Variants in CLEC19A observed in about 807,000 individuals in gnomAD.
CLEC19A encodes C-type lectin domain family 19 member A.
A neutral mutation model predicts 26.1 loss-of-function variants in CLEC19A; 21 were observed. That is an observed-to-expected ratio of 0.80 (90% CI 0.57 to 1.16). The LOEUF is 1.16. Ranked by LOEUF, CLEC19A falls within the 50% of genes most tolerant of loss-of-function variation. CLEC19A has a pLI of 0.00. For synonymous variants in CLEC19A, 89 were observed against 88.6 expected (o/e 1.00, Z -0.03); for missense variants, 224 against 227.6 (o/e 0.98, Z 0.10).
intron 1 of CLEC19A, among the ~76,000 whole-genome samples, chr16:19,295,468 G>A (rs375159306): frequency 1.6e-3 from 239 of 152,228 alleles, no homozygotes; most frequent in African/African-American, 5.2e-3. Context: ...CTCCCAAGGT[G>A]TTGGTATTAC....
At chr16:19,292,276 C>T (rs570366079) in intron 1 of CLEC19A, among the ~76,000 whole-genome samples, 7 of 152,216 alleles carry the variant, frequency 4.6e-5, no homozygotes, top group African/African-American at 1.7e-4. Flanking sequence ...ATGCAGACTC[C>T]GATTTGGAAG....
chr16:19,306,435 C>G (rs940263072), intron 3 of CLEC19A, among the ~76,000 whole-genome samples: 2 of 152,094 alleles, frequency 1.3e-5, no homozygotes, highest in East Asian at 3.8e-4. Flanking sequence ...GCATGAGCCA[C>G]CATGCCTGGT....
At chr16:19,308,735 T>C (rs1277112306) in intron 4 of CLEC19A, among the ~76,000 whole-genome samples, 1 of 152,160 alleles carries the variant, frequency 6.6e-6, no homozygotes. Flanking sequence ...AACAGCTTAT[T>C]TTCCTGGGAG....
rs140590325 is a variant in CLEC19A, at chr16:19,310,088, C to T, written c.*1005C>T. On this transcript the variant is annotated 3_prime_UTR_variant, in exon 5 of 5. Coordinates refer to ENST00000636231, the MANE Select transcript of CLEC19A (RefSeq NM_001256720.2). Reference sequence around the variant, plus strand: ...GCCACTGTGGAAAAGTTTGGCAGTTCCTCAAAAAGTTAAACATAGAATTAC... The same window carrying T: ...GCCACTGTGGAAAAGTTTGGCAGTTTCTCAAAAAGTTAAACATAGAATTAC... 95 of 152,276 alleles carry T rather than the reference C, an allele frequency of 6.2e-4. No homozygotes were observed. Among genetic ancestry groups the T allele is most frequent in the African/African-American group, 2.0e-3 (83 of 41,530 alleles). The allele number at this position is 152,276 out of a possible 1,614,324, so 9.4% of individuals were successfully genotyped here. A position where few individuals can be genotyped will look rare whatever the true frequency, so the allele number is the denominator to read the frequency against.
In CLEC19A at chr16:19,307,048, A is replaced by G. The variant is rs565624154; in HGVS notation, c.349-497A>G. Among the ~76,000 whole-genome samples the G allele has an allele frequency of 5.3e-5, 8 of 152,334 alleles. No individual in the cohort carries two copies. The South Asian group carries it at 1.7e-3, about 32-fold the overall frequency. ...CCAACAGGACTTTCCTTGCAATTGG[A>G]CAGAGTAGTTCCACCTTAGGCAAGA... On this transcript the variant is annotated intron_variant, in intron 3 of 4. Transcript: ENST00000636231.
At chr16:19,298,597 A>C in intron 1 of CLEC19A, 76 bp from the exon 2 acceptor site, 1 of 1,416,496 alleles carries the variant, frequency 7.1e-7, no homozygotes, top group South Asian at 1.3e-5. Flanking sequence ...TAAAGAAAAG[A>C]AAATAGGTTC....
At chr16:19,307,733 G>C (rs1031588680) in intron 4 of CLEC19A, 56 bp downstream of exon 4, 11 of 1,540,814 alleles carry the variant, frequency 7.1e-6, no homozygotes, top group South Asian at 4.8e-5. Context: ...TGTCACAGGT[G>C]GGGAGAGCGG....
chr16:19,294,408 A>G lies in CLEC19A; in HGVS notation c.89-4265A>G, dbSNP rs144640598. On this transcript the variant is annotated intron_variant, in intron 1 of 4. Transcript: ENST00000636231. The stretch of plus-strand genomic sequence containing the variant: ...CCCTAAGTAGGGCATCAGCCTTCGT[A>G]ATGCTTGGACTGGGGTTTTAACACC... 1.6e-4 allele frequency among the ~76,000 whole-genome samples: 25 copies of G among 152,316 alleles called. No homozygotes were observed. The East Asian group carries it at 4.8e-3, about 29-fold the overall frequency.
chr16:19,287,479 G>A (rs179197), intron 1 of CLEC19A, among the ~76,000 whole-genome samples: 89,659 of 152,036 alleles, frequency 0.59, 27,372 homozygotes, highest in East Asian at 0.88. Flanking sequence ...GAGAGACACA[G>A]ACATTCCATT....
chr16:19,301,284 G>C (rs911870292), intron 2 of CLEC19A, among the ~76,000 whole-genome samples: 1 of 152,200 alleles, frequency 6.6e-6, no homozygotes, highest in Non-Finnish European at 1.5e-5. Flanking sequence ...GCTACAAGCT[G>C]TCAAGGATTG....
At chr16:19,306,231 G>C (rs1359145906) in intron 3 of CLEC19A, among the ~76,000 whole-genome samples, 1 of 150,168 alleles carries the variant, frequency 6.7e-6, no homozygotes, top group East Asian at 2.0e-4. Flanking sequence ...CCGCAACCTT[G>C]AACTCCTGGG....
In CLEC19A at chr16:19,298,838, G is replaced by A; in HGVS notation, c.254G>A (p.Ser85Asn). The A allele has an allele frequency of 1.3e-6, 2 of 1,549,964 alleles. No homozygotes were observed. Among genetic ancestry groups the A allele is most frequent in the Non-Finnish European group, 1.7e-6 (2 of 1,146,648 alleles). The change falls in exon 2 of 5, where the codon AGC becomes AAC. Residue 85 changes from serine to asparagine, a missense_variant and splice_region_variant. Coordinates refer to ENST00000636231, the MANE Select transcript of CLEC19A (RefSeq NM_001256720.2). ...TCCGCCAAGCTGGCCTCCATCCACA[G>A]GTAAGTGGGATCCCCAGTGCCCCAT... ...RKSAKLASIH[S>N]WEENVFVYDL...
chr16:19,298,847 G>T lies in CLEC19A; in HGVS notation c.254+9G>T, dbSNP rs926618094. The T allele has an allele frequency of 6.6e-5, 102 of 1,548,720 alleles. No individual in the cohort carries two copies. Among genetic ancestry groups the T allele is most frequent in the Non-Finnish European group, 8.7e-5 (100 of 1,145,994 alleles). ...CTGGCCTCCATCCACAGGTAAGTGG[G>T]ATCCCCAGTGCCCCATAGTTCAACT... On this transcript the variant is annotated intron_variant, in intron 2 of 4. Transcript: ENST00000636231.
rs750529291 is a variant in CLEC19A at position 19,301,735 on chromosome 16, G to GTTTTTTTTTTTTTT, written c.255-2327_255-2326insTTTTTTTTTTTTTT. Among the ~76,000 whole-genome samples the GTTTTTTTTTTTTTT allele has an allele frequency of 3.7e-3, 129 of 35,080 alleles. 6 individuals are homozygous for GTTTTTTTTTTTTTT. The highest frequency in any genetic ancestry group is 0.02 in the Middle Eastern group (1 of 50). The allele number at this position is 35,080 out of a possible 152,430, so 23.0% of individuals were successfully genotyped here. A position where few individuals can be genotyped will look rare whatever the true frequency, so the allele number is the denominator to read the frequency against. Reference sequence around the variant, plus strand: ...CATGACACCATGCCCAGGTTTTTTTGGTTTTTTTTTTTTTTTTTTTTTTTT... The same window carrying GTTTTTTTTTTTTTT: ...CATGACACCATGCCCAGGTTTTTTTGTTTTTTTTTTTTTTGTTTTTTTTTTTTTTTTTTTTTTTT... On this transcript the variant is annotated intron_variant, in intron 2 of 4. Transcript: ENST00000636231.
intron 3 of CLEC19A, among the ~76,000 whole-genome samples, chr16:19,307,329 A>G (rs553161486): frequency 2.6e-5 from 4 of 152,350 alleles, no homozygotes; most frequent in South Asian, 2.1e-4. Flanking sequence ...GGCATGGCAC[A>G]TAATAAGCCC....
intron 1 of CLEC19A, among the ~76,000 whole-genome samples, chr16:19,293,682 C>T (rs1000911988): frequency 6.6e-6 from 1 of 152,134 alleles, no homozygotes; most frequent in Non-Finnish European, 1.5e-5. Context: ...TCTCAAACTC[C>T]TGGGCTCAAG....
At chr16:19,303,845 A>G (rs1267411056) in intron 2 of CLEC19A, 5 of 504,910 alleles carry the variant, frequency 9.9e-6, no homozygotes. Context: ...GAGTAGCAGT[A>G]CTGAGTCCTT....
intron 2 of CLEC19A, among the ~76,000 whole-genome samples, chr16:19,300,260 AG>A (rs1897791792): frequency 6.6e-6 from 1 of 151,794 alleles, no homozygotes; most frequent in Non-Finnish European, 1.5e-5. Flanking sequence ...AATAAAAAAA[AG>A]AAAGGGGTCG....
intron 1 of CLEC19A, among the ~76,000 whole-genome samples, chr16:19,287,564 T>G (rs1473801667): frequency 6.6e-6 from 1 of 152,186 alleles, no homozygotes; most frequent in African/African-American, 2.4e-5. Context: ...GGAAAGAAGT[T>G]GAACAAAATA....
Sources: allele counts gnomAD v4.1 joint callset (sites outside exome capture counted in the v4.1 genomes callset), GRCh38; gene constraint gnomAD v4.1.1; transcripts MANE v1.5; gene names NCBI Gene and HGNC (gene_info 2026-07-23, HGNC 2026-07-21).